The following UNC13A variants were observed in gnomAD, a reference collection of about 807,000 sequenced individuals.
UNC13A encodes unc-13 homolog A, also known as protein unc-13 homolog A.
A neutral mutation model predicts 219.7 loss-of-function variants in UNC13A; 61 were observed. The observed-to-expected ratio is 0.28, with a 90% CI of 0.23 to 0.34. The LOEUF is 0.34. Among genes scored for constraint, UNC13A ranks in the 10% least tolerant of loss-of-function variants. UNC13A has a pLI of 1.00. For synonymous variants in UNC13A, 920 were observed against 884.6 expected (o/e 1.04, Z -0.71); for missense variants, 1,476 against 2,270.3 (o/e 0.65, Z 7.11).
intron 43 of UNC13A, among the ~76,000 whole-genome samples, chr19:17,607,610 C>T (rs962060092): frequency 2.4e-5 from 3 of 126,420 alleles, no homozygotes; most frequent in Admixed American, 8.0e-5. Context: ...GACAGGGTCT[C>T]GCTATGTCGG....
At chr19:17,609,384 T>A (rs2144916467) in intron 43 of UNC13A, among the ~76,000 whole-genome samples, 1 of 151,584 alleles carries the variant, frequency 6.6e-6, no homozygotes, top group South Asian at 2.1e-4. Context: ...TGACCCCACC[T>A]CCACCCCACG....
intron 4 of UNC13A, among the ~76,000 whole-genome samples, chr19:17,671,179 G>A (rs910651974): frequency 6.6e-6 from 1 of 152,130 alleles, no homozygotes; most frequent in Non-Finnish European, 1.5e-5. Flanking sequence ...AGAGAAGTCA[G>A]AGAGGGCTTC....
intron 3 of UNC13A, among the ~76,000 whole-genome samples, chr19:17,672,726 G>A (rs866877145): frequency 5.3e-5 from 8 of 152,088 alleles, no homozygotes. Flanking sequence ...ATTCAAAGCC[G>A]GGAAGGATGG....
intron 2 of UNC13A, among the ~76,000 whole-genome samples, chr19:17,675,778 C>A (rs1197539151): frequency 6.6e-6 from 1 of 152,168 alleles, no homozygotes; most frequent in Non-Finnish European, 1.5e-5. Flanking sequence ...GCAAGCCCCA[C>A]CCCTTACAGA....
intron 4 of UNC13A, 129 bp from the exon 5 acceptor site, chr19:17,669,805 T>G: frequency 1.8e-6 from 2 of 1,097,760 alleles, no homozygotes; most frequent in African/African-American, 1.6e-5. Context: ...CTCTCTATCT[T>G]TCCTTCCGTC....
rs2060458974 is a variant in UNC13A at position 17,674,624 on chromosome 19, G to A, written c.152+33C>T. On this transcript the variant is annotated intron_variant, in intron 3 of 43. Transcript: ENST00000519716. The surrounding 1 kb of genome is among the most constrained non-coding windows in gnomAD (Gnocchi z 5.0). The stretch of plus-strand genomic sequence containing the variant: ...CCAGCGAGGTGCTGGGCTATGCCAG[G>A]GAGTGAGGTCATGCCAGACGCTGCA... 2 of 1,598,360 alleles carry A rather than the reference G, an allele frequency of 1.3e-6. No individual in the cohort carries two copies. Among genetic ancestry groups the A allele is most frequent in the Admixed American group, 1.7e-5 (1 of 59,948 alleles).
At chr19:17,646,248 C>T in intron 17 of UNC13A, 137 bp from the exon 18 acceptor site, 1 of 1,204,382 alleles carries the variant, frequency 8.3e-7, no homozygotes, top group Non-Finnish European at 1.1e-6. Context: ...GCACGCTGGG[C>T]TTGCCAGAGA....
Position 17,666,457 on chromosome 19 carries a change from A to G in UNC13A, c.523+193T>C, listed in dbSNP as rs368530575. Among the ~76,000 whole-genome samples, 27 of 152,122 alleles carry G rather than the reference A, an allele frequency of 1.8e-4. No homozygotes were observed. The East Asian group carries it at 4.8e-3, about 27-fold the overall frequency. On this transcript the variant is annotated intron_variant, in intron 7 of 43. Transcript: ENST00000519716. The stretch of plus-strand genomic sequence containing the variant: ...CTCGAACTCCTGACCTCGGCTTCCC[A>G]AAGTGCTGGGATTACAGGGGTGAGC...
At position 17,658,270 on chromosome 19, in the gene UNC13A, C is replaced by CTGG. The variant is rs1198100520; in HGVS notation, c.560-4_560-2dup. ...TCCACTGCACTGTCGGGGTCATCGTCTGGAAGAGAGAGGCGGTATGGGAAG... is the reference window on the plus strand; with the variant it reads ...TCCACTGCACTGTCGGGGTCATCGTCTGGTGGAAGAGAGAGGCGGTATGGGAAG... On this transcript the variant is annotated splice_acceptor_variant, in intron 8 of 43. Coordinates refer to ENST00000519716, the MANE Select transcript of UNC13A (RefSeq NM_001080421.3). LOFTEE classifies it high-confidence loss of function. 2 of 1,610,890 alleles carry CTGG rather than the reference C, an allele frequency of 1.2e-6. No homozygotes were observed. The highest frequency in any genetic ancestry group is 3.4e-5 in the Admixed American group (2 of 59,306).
intron 11 of UNC13A, among the ~76,000 whole-genome samples, chr19:17,653,481 G>A (rs2079390651): frequency 6.6e-6 from 1 of 151,660 alleles, no homozygotes; most frequent in Admixed American, 6.6e-5. Flanking sequence ...CCTAGTAGCT[G>A]GGATTACAGG....
intron 1 of UNC13A, 127 bp from the exon 2 acceptor site, chr19:17,676,168 A>C (rs1360769395): frequency 9.7e-7 from 1 of 1,027,464 alleles, no homozygotes; most frequent in Non-Finnish European, 1.5e-6. Context: ...GAGGAGAGAC[A>C]GGCAAAGATA....
At chr19:17,672,333 G>T in intron 4 of UNC13A, 45 bp downstream of exon 4, 1 of 1,519,890 alleles carries the variant, frequency 6.6e-7, no homozygotes. Context: ...CTGGGCTTCT[G>T]CAAGGCACTC....
At chr19:17,630,108 C>T (rs761330235) in intron 30 of UNC13A, 37 bp downstream of exon 30, 46 of 1,549,062 alleles carry the variant, frequency 3.0e-5, no homozygotes, top group Non-Finnish European at 3.8e-5. Flanking sequence ...AACCCTGACC[C>T]TGTCCCCTAG....
At chr19:17,617,603 A>G (rs902734456) in intron 41 of UNC13A, 99 bp downstream of exon 41, 19 of 1,521,762 alleles carry the variant, frequency 1.2e-5, no homozygotes, top group Non-Finnish European at 1.6e-5. Context: ...CGCCCCATCC[A>G]TGACGTCACA....
chr19:17,630,900 T>C (rs2076836281), intron 28 of UNC13A, 150 bp from the exon 29 acceptor site: 3 of 657,834 alleles, frequency 4.6e-6, no homozygotes, highest in African/African-American at 3.6e-5. Context: ...GCTCCTCTGC[T>C]CGCCTCCTGC....
At chr19:17,610,719 C>T (rs1309681430) in intron 42 of UNC13A, among the ~76,000 whole-genome samples, 1 of 152,094 alleles carries the variant, frequency 6.6e-6, no homozygotes, top group East Asian at 1.9e-4. Flanking sequence ...CTCTTTGTGA[C>T]CCTATAGTGG....
intron 31 of UNC13A, chr19:17,628,351 C>G: frequency 4.6e-6 from 1 of 218,004 alleles, no homozygotes; most frequent in Non-Finnish European, 9.3e-6. Flanking sequence ...AGACCCCCCC[C>G]ACAGATACAC....
intron 38 of UNC13A, among the ~76,000 whole-genome samples, chr19:17,619,492 G>T (rs1305002431): frequency 6.6e-6 from 1 of 150,564 alleles, no homozygotes; most frequent in African/African-American, 2.4e-5. Context: ...CTGGAGTGCA[G>T]TGGCATGATC....
rs746524081 is a variant in UNC13A, at chr19:17,646,582, G to A, written c.2045-471C>T. On this transcript the variant is annotated intron_variant, in intron 17 of 43. Transcript: ENST00000519716. ...TGGGAAGGTGCCCCAGCTGCCTTGC[G>A]CATGGGTAGGACCTCTCTCAGGTGT... 4.6e-5 allele frequency among the ~76,000 whole-genome samples: 7 copies of A among 152,118 alleles called. No individual in the cohort carries two copies. The East Asian group carries it at 9.7e-4, about 21-fold the overall frequency.
Sources: gnomAD v4.1 joint callset for allele counts (sites outside exome capture counted in the v4.1 genomes callset) on GRCh38, gnomAD v4.1.1 for gene constraint, Gnocchi (gnomAD v3.1) non-coding constraint, MANE v1.5 for transcripts, NCBI Gene and HGNC (gene_info 2026-07-23, HGNC 2026-07-21) for gene names.